Variants in TMEM114 observed in about 807,000 individuals in gnomAD.
TMEM114 encodes transmembrane protein 114.
Under a neutral mutation model 6.2 loss-of-function variants are expected in TMEM114, and 6 were observed. The observed-to-expected ratio is 0.97, with a 90% confidence interval of 0.53 to 1.91. TMEM114 has a LOEUF of 1.91. TMEM114 is among the 40% of genes most tolerant of loss of function. The pLI is 0.01. For synonymous variants in TMEM114, 104 were observed against 73.0 expected (o/e 1.42, Z -2.16); for missense variants, 218 against 158.3 (o/e 1.38, Z -2.02).
chr16:8,545,657 A>T (rs954413648), intron 2 of TMEM114, among the ~76,000 whole-genome samples: 3 of 152,176 alleles, frequency 2.0e-5, no homozygotes, highest in African/African-American at 7.2e-5. Flanking sequence ...TGCTTTTCTA[A>T]CAAATTCCCA....
At chr16:8,559,972 T>C (rs1428461516) in intron 2 of TMEM114, among the ~76,000 whole-genome samples, 4 of 152,084 alleles carry the variant, frequency 2.6e-5, no homozygotes, top group Non-Finnish European at 5.9e-5. Context: ...GTCTCTGTTC[T>C]GGAAACTTCT....
At chr16:8,553,518 C>T (rs1436280315) in intron 2 of TMEM114, among the ~76,000 whole-genome samples, 2 of 152,006 alleles carry the variant, frequency 1.3e-5, no homozygotes, top group Non-Finnish European at 2.9e-5. Flanking sequence ...CGGAGTCTCG[C>T]TGTGTCACCC....
the TMEM114 span, among the ~76,000 whole-genome samples, chr16:8,531,483 C>T: frequency 1.3e-5 from 2 of 152,142 alleles, no homozygotes; most frequent in Admixed American, 6.5e-5. Flanking sequence ...ACAAGGGAAG[C>T]CATGTTGGTT....
chr16:8,533,797 A>T (rs1271068788), downstream of TMEM114, among the ~76,000 whole-genome samples: 1 of 152,194 alleles, frequency 6.6e-6, no homozygotes, highest in East Asian at 1.9e-4. Context: ...CATCTCTTTC[A>T]GCAGGAACTT....
In TMEM114 at chr16:8,569,567, C is replaced by T; in HGVS notation, c.*206G>A. The T allele has an allele frequency of 7.0e-7, 1 of 1,420,682 alleles. No homozygotes were observed. Among genetic ancestry groups the T allele is most frequent in the Non-Finnish European group, 9.2e-7 (1 of 1,090,688 alleles). The allele number at this position is 1,420,682 out of a possible 1,614,324, so 88.0% of individuals were successfully genotyped here. A position where few individuals can be genotyped will look rare whatever the true frequency, so the allele number is the denominator to read the frequency against. ...CACTCCCTCGGGCTCCTCCAGGCCA[C>T]ACGGACACACACGGACATAAGCACA... is the stretch of plus-strand genomic sequence containing the variant. On this transcript the variant is annotated 3_prime_UTR_variant, in exon 4 of 4. Transcript: ENST00000620492.
chr16:8,561,208 C>G (rs557737577), intron 2 of TMEM114, among the ~76,000 whole-genome samples: 1 of 152,200 alleles, frequency 6.6e-6, no homozygotes, highest in African/African-American at 2.4e-5. Flanking sequence ...TCTGTCCAGC[C>G]CTAGGGAGAT....
chr16:8,531,641 A>G, the TMEM114 span, among the ~76,000 whole-genome samples: 1 of 152,316 alleles, frequency 6.6e-6, no homozygotes, highest in Non-Finnish European at 1.5e-5. Context: ...GAGATGTGTG[A>G]TTTTTGGTGA....
rs1356399006 is a variant in TMEM114 at position 8,569,941 on chromosome 16, C to T, written c.504G>A (p.Ala168=). 1.9e-6 allele frequency: 3 copies of T among 1,551,102 alleles called. No homozygotes were observed. The highest frequency in any genetic ancestry group is 2.7e-5 in the African/African-American group (2 of 73,162). Residue 168 remains alanine, a synonymous_variant, in exon 4 of 4, where the codon GCG becomes GCA. Transcript: ENST00000620492. Reference sequence around the variant, plus strand: ...GGGCCTTCTCCTCCAAGAGACACAGCGCCTCCCGGAAGGCGGCGGCTGAAT... The same window carrying T: ...GGGCCTTCTCCTCCAAGAGACACAGTGCCTCCCGGAAGGCGGCGGCTGAAT... ...IAYSAAAFRE[A]LCLLEEKALL...
downstream of TMEM114, among the ~76,000 whole-genome samples, chr16:8,566,376 C>CAAAAA (rs71150401): frequency 1.4e-5 from 2 of 142,840 alleles, no homozygotes; most frequent in Admixed American, 6.9e-5. Flanking sequence ...GACGCAGTCT[C>CAAAAA]AAAAAAAAAA....
chr16:8,527,931 A>G, the TMEM114 span, among the ~76,000 whole-genome samples: 5 of 152,198 alleles, frequency 3.3e-5, no homozygotes. Flanking sequence ...TGTTTTAGAC[A>G]AAGTCTCCCT....
chr16:8,562,555 C>A (rs62645657), intron 2 of TMEM114, among the ~76,000 whole-genome samples: 13,340 of 44,482 alleles, frequency 0.3, 752 homozygotes, highest in Middle Eastern at 0.39. Context: ...TGAGTGAGTG[C>A]GTCAATGAGT....
rs1276941287 is a variant in TMEM114 at position 8,569,593 on chromosome 16, C to T, written c.*180G>A. The T allele has an allele frequency of 4.2e-6, 6 of 1,429,490 alleles. No individual in the cohort carries two copies. The highest frequency in any genetic ancestry group is 5.5e-6 in the Non-Finnish European group (6 of 1,095,728). 88.6% of individuals were successfully genotyped at this position (1,429,490 alleles called of 1,614,324 possible). A position where few individuals can be genotyped will look rare whatever the true frequency, so the allele number is the denominator to read the frequency against. ...ACGGACACACACGGACATAAGCACACAGGTACTAGGATAACAGCCAGGCCC... is the reference window on the plus strand; with the variant it reads ...ACGGACACACACGGACATAAGCACATAGGTACTAGGATAACAGCCAGGCCC... On this transcript the variant is annotated 3_prime_UTR_variant, in exon 4 of 4. Transcript: ENST00000620492.
chr16:8,529,268 C>G, the TMEM114 span, among the ~76,000 whole-genome samples: 1 of 152,146 alleles, frequency 6.6e-6, no homozygotes, highest in African/African-American at 2.4e-5. Context: ...ATCCCTGGAG[C>G]TAAAAGTTGA....
the TMEM114 span, among the ~76,000 whole-genome samples, chr16:8,528,371 C>T: frequency 1.3e-5 from 2 of 152,198 alleles, no homozygotes; most frequent in African/African-American, 2.4e-5. Flanking sequence ...GTACCTGGCT[C>T]ATGCACCATG....
At chr16:8,557,091 C>T (rs761697659) in intron 2 of TMEM114, among the ~76,000 whole-genome samples, 4 of 152,168 alleles carry the variant, frequency 2.6e-5, no homozygotes, top group East Asian at 1.9e-4. Flanking sequence ...ACTTTCTAAA[C>T]GTGGCTCTAG....
chr16:8,549,762 G>C (rs1900785596), intron 2 of TMEM114, among the ~76,000 whole-genome samples: 1 of 152,144 alleles, frequency 6.6e-6, no homozygotes, highest in East Asian at 1.9e-4. Context: ...TGAAGAGTAA[G>C]TAACAGAACT....
At chr16:8,536,464 G>C (rs752083844), downstream of TMEM114, among the ~76,000 whole-genome samples, 2 of 151,970 alleles carry the variant, frequency 1.3e-5, no homozygotes, top group African/African-American at 4.8e-5. Flanking sequence ...TTGTAACCTC[G>C]GTATCTCAAC....
chr16:8,554,901 G>A (rs984946456), intron 2 of TMEM114, among the ~76,000 whole-genome samples: 11 of 152,182 alleles, frequency 7.2e-5, no homozygotes, highest in African/African-American at 2.4e-4. Context: ...ACCACAGCTG[G>A]GTGTTCAAAT....
At chr16:8,574,553 C>G (rs1901850436) in intron 2 of TMEM114, among the ~76,000 whole-genome samples, 1 of 136,430 alleles carries the variant, frequency 7.3e-6, no homozygotes, top group African/African-American at 2.9e-5. Flanking sequence ...GTCTTTCCTT[C>G]TTTCTTTCTT....
Sources: gnomAD v4.1 joint callset for allele counts (sites outside exome capture counted in the v4.1 genomes callset) on GRCh38, gnomAD v4.1.1 for gene constraint, MANE v1.5 for transcripts, NCBI Gene and HGNC (gene_info 2026-07-23, HGNC 2026-07-21) for gene names.